The following CDK19 variants were observed in gnomAD, a reference collection of about 807,000 sequenced individuals.
The protein encoded by CDK19 is cyclin dependent kinase 19.
A neutral mutation model predicts 68.3 loss-of-function variants in CDK19; 20 were observed. The ratio of observed to expected loss-of-function variants is 0.29; its 90% CI spans 0.21 to 0.43. The LOEUF (loss-of-function observed/expected upper bound fraction) is 0.43. Ranked by LOEUF, CDK19 falls within the 20% of genes least tolerant of loss-of-function variation. The pLI is 1.00. For synonymous variants in CDK19, 221 were observed against 222.8 expected (o/e 0.99, Z 0.07); for missense variants, 339 against 623.5 (o/e 0.54, Z 4.86).
intron 1 of CDK19, among the ~76,000 whole-genome samples, chr6:110,771,744 C>T (rs1294587869): frequency 6.6e-6 from 1 of 152,186 alleles, no homozygotes; most frequent in East Asian, 1.9e-4. Context: ...TAACAACATC[C>T]AAGTCACCTC....
chr6:110,759,421 AAAAAAAAAT>A (rs1779059072), intron 1 of CDK19, among the ~76,000 whole-genome samples: 2 of 124,666 alleles, frequency 1.6e-5, no homozygotes, highest in African/African-American at 6.5e-5. Context: ...AAAAAAAAAA[AAAAAAAAAT>A]ATATATATAT....
intron 4 of CDK19, among the ~76,000 whole-genome samples, chr6:110,651,158 A>G (rs1393038227): frequency 6.6e-6 from 1 of 152,218 alleles, no homozygotes; most frequent in Non-Finnish European, 1.5e-5. Flanking sequence ...CGGGTTTTAC[A>G]TGACTAGAAT....
At position 110,621,193 on chromosome 6, in the gene CDK19, T is replaced by G. The variant is rs750680904; in HGVS notation, c.1288A>C (p.Ser430Arg). 6.2e-7 allele frequency: 1 copy of G among 1,614,094 alleles called. No homozygotes were observed. Among genetic ancestry groups the G allele is most frequent in the East Asian group, 2.2e-5 (1 of 44,868 alleles). ...GAGLQHSQDS[S>R]LNQVPPNKKP... Reference sequence around the variant, plus strand: ...TTGTTTGGAGGCACCTGGTTCAGGCTGGAGTCCTGGCTGTGCTGCAACCCT... The same window carrying G: ...TTGTTTGGAGGCACCTGGTTCAGGCGGGAGTCCTGGCTGTGCTGCAACCCT... The change falls in exon 12 of 13, where the codon AGC becomes CGC. Residue 430 changes from serine (S) to arginine (R), a missense_variant. This residue lies in a region of CDK19 where 155 missense variants were observed against 222.7 expected (regional missense o/e 0.70). Transcript: ENST00000368911. The surrounding 1 kb of genome is among the most constrained non-coding windows in gnomAD (Gnocchi z 5.4).
At chr6:110,775,509 T>C (rs1001679558) in intron 1 of CDK19, among the ~76,000 whole-genome samples, 1 of 152,194 alleles carries the variant, frequency 6.6e-6, no homozygotes, top group Admixed American at 6.5e-5. Context: ...GTACTACATA[T>C]GCTAGGCAGT....
rs181410308 is a variant in CDK19, at chr6:110,721,232, T to C, written c.204+24894A>G. Among the ~76,000 whole-genome samples the C allele has an allele frequency of 5.3e-5, 8 of 152,232 alleles. No individual in the cohort carries two copies. In the East Asian group the frequency reaches 1.5e-3, roughly 29 times the overall value. On this transcript the variant is annotated intron_variant, in intron 2 of 12. Coordinates refer to ENST00000368911, the MANE Select transcript of CDK19 (RefSeq NM_015076.5). The stretch of plus-strand genomic sequence containing the variant: ...TCCAGTCTGGGTGACAGAGTGAGAC[T>C]GTCTCAAAAAATAAAAATAGAAATT...
intron 1 of CDK19, chr6:110,814,629 G>A (rs1783432587): frequency 2.1e-6 from 1 of 477,272 alleles, no homozygotes; most frequent in Admixed American, 2.3e-5. Context: ...CACTACCCAG[G>A]GCCGGAGCGG....
chr6:110,742,555 A>T (rs1777760125), intron 2 of CDK19, among the ~76,000 whole-genome samples: 1 of 152,200 alleles, frequency 6.6e-6, no homozygotes, highest in Admixed American at 6.5e-5. Flanking sequence ...AGAGCCTATA[A>T]ACGGACGTGC....
At chr6:110,651,982 G>C (rs979505180) in intron 4 of CDK19, among the ~76,000 whole-genome samples, 11 of 152,078 alleles carry the variant, frequency 7.2e-5, no homozygotes, top group South Asian at 2.1e-4. Flanking sequence ...TCTGTGAAGG[G>C]AGAATCACTT....
At chr6:110,802,659 C>G (rs1782422040) in intron 1 of CDK19, among the ~76,000 whole-genome samples, 1 of 152,102 alleles carries the variant, frequency 6.6e-6, no homozygotes, top group Non-Finnish European at 1.5e-5. Context: ...ACCCATGTAA[C>G]AAACCTGCAC....
chr6:110,639,228 T>C (rs572168641), intron 4 of CDK19, among the ~76,000 whole-genome samples: 2 of 152,150 alleles, frequency 1.3e-5, no homozygotes, highest in Non-Finnish European at 2.9e-5. Flanking sequence ...TTTCAAGATG[T>C]AGGAAAATAA....
At chr6:110,665,295 T>C (rs1436388515) in intron 4 of CDK19, among the ~76,000 whole-genome samples, 1 of 152,116 alleles carries the variant, frequency 6.6e-6, no homozygotes, top group African/African-American at 2.4e-5. Context: ...GCAAGGCATA[T>C]TTTAGAGACA....
chr6:110,623,817 CACAT>C (rs1468809576), intron 8 of CDK19, among the ~76,000 whole-genome samples: 6 of 146,092 alleles, frequency 4.1e-5, no homozygotes, highest in African/African-American at 1.0e-4. Flanking sequence ...CACATATATA[CACAT>C]ACATATACAC....
intron 2 of CDK19, among the ~76,000 whole-genome samples, chr6:110,672,152 G>A (rs1232720046): frequency 1.3e-5 from 2 of 152,146 alleles, no homozygotes; most frequent in African/African-American, 4.8e-5. Flanking sequence ...TGTGGCAAGA[G>A]ACTTCACCCC....
chr6:110,777,408 A>G (rs1207014873), intron 1 of CDK19, among the ~76,000 whole-genome samples: 1 of 152,202 alleles, frequency 6.6e-6, no homozygotes, highest in Non-Finnish European at 1.5e-5. Context: ...TAAAATCTCA[A>G]TACAATAAGA....
At chr6:110,620,696 A>G (rs1208020095) in intron 12 of CDK19, among the ~76,000 whole-genome samples, 1 of 152,174 alleles carries the variant, frequency 6.6e-6, no homozygotes, top group Non-Finnish European at 1.5e-5. Context: ...TTATCTATGT[A>G]GCTACTTCCT....
At chr6:110,768,135 G>A (rs1451237444) in intron 1 of CDK19, among the ~76,000 whole-genome samples, 1 of 152,128 alleles carries the variant, frequency 6.6e-6, no homozygotes, top group Non-Finnish European at 1.5e-5. Context: ...TGGGAAATAG[G>A]ACACATGAAA....
intron 8 of CDK19, among the ~76,000 whole-genome samples, chr6:110,623,995 T>C (rs1219498564): frequency 6.6e-6 from 1 of 150,862 alleles, no homozygotes; most frequent in Non-Finnish European, 1.5e-5. Flanking sequence ...AATGGGTACA[T>C]TTTTATACAT....
At chr6:110,646,374 G>A in intron 4 of CDK19, 2 of 1,469,612 alleles carry the variant, frequency 1.4e-6, no homozygotes, top group Non-Finnish European at 1.8e-6. Flanking sequence ...GGGCGACAGC[G>A]CCAACGACTT....
intron 4 of CDK19, among the ~76,000 whole-genome samples, chr6:110,663,190 T>A (rs528033389): frequency 6.6e-6 from 1 of 152,294 alleles, no homozygotes; most frequent in East Asian, 1.9e-4. Flanking sequence ...CACTCAGTTG[T>A]GACTATCAAA....
Sources: allele counts gnomAD v4.1 joint callset (sites outside exome capture counted in the v4.1 genomes callset), GRCh38; gene constraint gnomAD v4.1.1; regional missense constraint gnomAD v4.1.1; non-coding constraint Gnocchi (gnomAD v3.1); transcripts MANE v1.5; gene names NCBI Gene and HGNC (gene_info 2026-07-23, HGNC 2026-07-21).